Variants in C4orf33 observed in about 807,000 individuals in gnomAD.
C4orf33 encodes the protein chromosome 4 open reading frame 33.
Under a neutral mutation model 24.3 loss-of-function variants are expected in C4orf33, and 20 were observed. That is an observed-to-expected ratio of 0.82 (90% CI 0.58 to 1.19). The LOEUF (loss-of-function observed/expected upper bound fraction) is 1.19, where lower values mean the gene tolerates loss of function less well. C4orf33 is among the 50% of genes most tolerant of loss of function. The pLI, the probability that C4orf33 is intolerant of heterozygous loss-of-function variation, is 0.00. For synonymous variants in C4orf33, 67 were observed against 76.4 expected (o/e 0.88, Z 0.64); for missense variants, 207 against 225.9 (o/e 0.92, Z 0.54).
At chr4:129,110,040 C>T (rs1429533949) in intron 5 of C4orf33, 4 of 1,024,244 alleles carry the variant, frequency 3.9e-6, no homozygotes, top group African/African-American at 1.7e-5. Flanking sequence ...CAAACAGTCC[C>T]CTGTTACAAG....
At chr4:129,108,756 G>T (rs1753592690) in intron 3 of C4orf33, among the ~76,000 whole-genome samples, 1 of 152,120 alleles carries the variant, frequency 6.6e-6, no homozygotes, top group Non-Finnish European at 1.5e-5. Flanking sequence ...TTTCTTTAAA[G>T]AATATAAAAA....
At chr4:129,111,091 GC>G (rs1753682145) in intron 5 of C4orf33, among the ~76,000 whole-genome samples, 1 of 152,230 alleles carries the variant, frequency 6.6e-6, no homozygotes, top group South Asian at 2.1e-4. Context: ...CCAGGACAGA[GC>G]CAAGGCAGAG....
intron 1 of C4orf33, among the ~76,000 whole-genome samples, chr4:129,099,042 C>G (rs975949851): frequency 1.9e-4 from 29 of 152,186 alleles, no homozygotes; most frequent in Non-Finnish European, 5.9e-5. Flanking sequence ...TCAGTGGGAC[C>G]TTGGTGCTCA....
In C4orf33 at chr4:129,106,652, G is replaced by A. The variant is rs762284771; in HGVS notation, c.242+5G>A. On this transcript the variant is annotated splice_donor_5th_base_variant and intron_variant, in intron 3 of 5. Transcript: ENST00000425929. ...TTTAGAAGTTGAACTTTGTCCGTAA[G>A]TATAAAATGTTTTTTCTTACTTATT... The A allele has an allele frequency of 2.1e-6, 3 of 1,453,138 alleles. No homozygotes were observed. The highest frequency in any genetic ancestry group is 1.4e-5 in the African/African-American group (1 of 69,844). 90.0% of individuals were successfully genotyped at this position (1,453,138 alleles called of 1,614,324 possible).
upstream of C4orf33, among the ~76,000 whole-genome samples, chr4:129,095,542 A>G (rs1467790384): frequency 6.6e-6 from 1 of 152,234 alleles, no homozygotes. Flanking sequence ...TAATGTTTTT[A>G]TATGACTTTT....
rs767408001 is a variant in C4orf33, at chr4:129,109,640, G to A, written c.462G>A (p.Gln154=). The change falls in exon 5 of 6, where the codon CAG becomes CAA. Residue 154 remains glutamine (Q), a synonymous_variant. Transcript: ENST00000425929. The stretch of plus-strand genomic sequence containing the variant: ...ATGAAGCTCTTTACCCTGTACCTCA[G>A]CATGAACTGCAGCAAGGACAAAAAC... ...RSYEALYPVP[Q]HELQQGQKPD... is the part of the protein sequence containing the mutation. The A allele has an allele frequency of 3.1e-6, 5 of 1,613,854 alleles. No individual in the cohort carries two copies. In the South Asian group the frequency reaches 3.3e-5, roughly 11 times the overall value.
chr4:129,115,831 A>ATATATATATATAT lies in C4orf33; in HGVS notation c.*4040_*4041insTATATATATATAT, dbSNP rs1561095059. The ATATATATATATAT allele has an allele frequency of 1.2e-3, 51 of 43,722 alleles. No homozygotes were observed. Among genetic ancestry groups the ATATATATATATAT allele is most frequent in the East Asian group, 4.8e-3 (6 of 1,248 alleles). 2.7% of individuals were successfully genotyped at this position (43,722 alleles called of 1,614,324 possible). A position where few individuals can be genotyped will look rare whatever the true frequency, so the allele number is the denominator to read the frequency against. ...ATATATATATATATATATATATATA[A>ATATATATATATAT]AATATATATGTTTATATATAACATA... On this transcript the variant is annotated 3_prime_UTR_variant, in exon 6 of 6. Transcript: ENST00000425929.
intron 2 of C4orf33, among the ~76,000 whole-genome samples, chr4:129,103,521 T>A (rs971850911): frequency 1.3e-5 from 2 of 151,802 alleles, no homozygotes; most frequent in African/African-American, 2.4e-5. Context: ...TAGTTTTTAC[T>A]TTATCCTGGC....
At chr4:129,097,225 G>A (rs1753233451) in intron 1 of C4orf33, among the ~76,000 whole-genome samples, 2 of 152,132 alleles carry the variant, frequency 1.3e-5, no homozygotes, top group South Asian at 4.1e-4. Context: ...ATTTTAAACT[G>A]TTCAGTTACC....
chr4:129,095,684 G>T (rs922529639), upstream of C4orf33, among the ~76,000 whole-genome samples: 19 of 152,298 alleles, frequency 1.2e-4, no homozygotes, highest in Admixed American at 1.2e-3. Context: ...TACAAAGTTA[G>T]AAGTTTAAGC....
At position 129,115,801 on chromosome 4, in the gene C4orf33, A is replaced by AATATATATATATATATATATATATAAT. The variant is rs1753763715; in HGVS notation, c.*4035_*4036insATATATATATATATATATATATATATA. ...ATGTGCCTAACAAATCTTCTAACTAAATATATATATATATATATATATATA... is the reference window on the plus strand; with the variant it reads ...ATGTGCCTAACAAATCTTCTAACTAAATATATATATATATATATATATATAATATATATATATATATATATATATATA... On this transcript the variant is annotated 3_prime_UTR_variant, in exon 6 of 6. Transcript: ENST00000425929. 1.1e-5 allele frequency: 1 copy of AATATATATATATATATATATATATAAT among 90,250 alleles called. No homozygotes were observed. Among genetic ancestry groups the AATATATATATATATATATATATATAAT allele is most frequent in the African/African-American group, 4.3e-5 (1 of 23,340 alleles). 5.6% of individuals were successfully genotyped at this position (90,250 alleles called of 1,614,324 possible). A position where few individuals can be genotyped will look rare whatever the true frequency, so the allele number is the denominator to read the frequency against.
chr4:129,110,473 G>T (rs1753664224), intron 5 of C4orf33, among the ~76,000 whole-genome samples: 2 of 152,170 alleles, frequency 1.3e-5, no homozygotes, highest in South Asian at 4.1e-4. Context: ...CTTTAGGGAG[G>T]AAAGCCAGAT....
rs1057397061 is a variant in C4orf33 at position 129,112,818 on chromosome 4, A to G, written c.*1027A>G. ...GTGTAAGATAAATGCTAACTTTTACAAAAGGTATTATTAAGTATCCTGACT... is the reference window on the plus strand; with the variant it reads ...GTGTAAGATAAATGCTAACTTTTACGAAAGGTATTATTAAGTATCCTGACT... On this transcript the variant is annotated 3_prime_UTR_variant, in exon 6 of 6. Coordinates refer to ENST00000425929, the MANE Select transcript of C4orf33 (RefSeq NM_001099783.2). The G allele has an allele frequency of 6.6e-6, 1 of 152,176 alleles. No homozygotes were observed. The highest frequency in any genetic ancestry group is 2.4e-5 in the African/African-American group (1 of 41,448). 9.4% of individuals were successfully genotyped at this position (152,176 alleles called of 1,614,324 possible).
chr4:129,115,497 T>A lies in C4orf33; in HGVS notation c.*3706T>A, dbSNP rs749964043. On this transcript the variant is annotated 3_prime_UTR_variant, in exon 6 of 6. Coordinates refer to ENST00000425929, the MANE Select transcript of C4orf33 (RefSeq NM_001099783.2). Reference sequence around the variant, plus strand: ...ATAGGGACAGGATTCAGTGGATAAATACTCCCCTTTTCCGTCCCTTGGGCA... The same window carrying A: ...ATAGGGACAGGATTCAGTGGATAAAAACTCCCCTTTTCCGTCCCTTGGGCA... 1 of 152,050 alleles carries A rather than the reference T, an allele frequency of 6.6e-6. No homozygotes were observed. The allele number at this position is 152,050 out of a possible 1,614,324, so 9.4% of individuals were successfully genotyped here.
At chr4:129,101,920 T>C (rs1753363606) in intron 1 of C4orf33, among the ~76,000 whole-genome samples, 1 of 152,168 alleles carries the variant, frequency 6.6e-6, no homozygotes, top group East Asian at 1.9e-4. Context: ...AAAGTGTATA[T>C]GCTGGGACAA....
At chr4:129,100,885 T>C (rs1052660509) in intron 1 of C4orf33, among the ~76,000 whole-genome samples, 4 of 152,210 alleles carry the variant, frequency 2.6e-5, no homozygotes, top group African/African-American at 9.6e-5. Flanking sequence ...AGGATACTTA[T>C]TACTACCAAA....
At chr4:129,104,063 A>G (rs1424004297) in intron 2 of C4orf33, among the ~76,000 whole-genome samples, 1 of 152,114 alleles carries the variant, frequency 6.6e-6, no homozygotes, top group African/African-American at 2.4e-5. Context: ...CAACTCACCT[A>G]CTTCTTTCAT....
At chr4:129,096,125 A>T (rs1753197044), upstream of C4orf33, 1 of 152,150 alleles carries the variant, frequency 6.6e-6, no homozygotes, top group African/African-American at 2.4e-5. Flanking sequence ...CAGAACGTGT[A>T]GGCAGCTGGG....
chr4:129,112,699 A>G lies in C4orf33; in HGVS notation c.*908A>G, dbSNP rs1434558152. The G allele has an allele frequency of 6.6e-6, 1 of 152,212 alleles. No individual in the cohort carries two copies. Among genetic ancestry groups the G allele is most frequent in the Non-Finnish European group, 1.5e-5 (1 of 68,026 alleles). The allele number at this position is 152,212 out of a possible 1,614,324, so 9.4% of individuals were successfully genotyped here. On this transcript the variant is annotated 3_prime_UTR_variant, in exon 6 of 6. Coordinates refer to ENST00000425929, the MANE Select transcript of C4orf33 (RefSeq NM_001099783.2). ...TTAACTTCAAGTTTACATTGAGTTT[A>G]TATGTTTCCATTGAACAATCACTAG...
Sources: allele counts gnomAD v4.1 joint callset (sites outside exome capture counted in the v4.1 genomes callset), GRCh38; gene constraint gnomAD v4.1.1; transcripts MANE v1.5; gene names NCBI Gene and HGNC (gene_info 2026-07-23, HGNC 2026-07-21).